STXBP5L: variants seen among roughly 807,000 people sequenced by gnomAD.
STXBP5L encodes the protein syntaxin binding protein 5L.
In STXBP5L, 65 loss-of-function variants were observed where a neutral mutation model predicts 144.5. The ratio of observed to expected loss-of-function variants is 0.45; its 90% CI spans 0.37 to 0.55. The LOEUF (loss-of-function observed/expected upper bound fraction) is 0.55. Ranked by LOEUF, STXBP5L falls within the 20% of genes least tolerant of loss-of-function variation. The probability of loss-of-function intolerance (pLI) is 0.00; values close to 1 mark genes in which losing one functional copy is unlikely to be tolerated. For missense variants in STXBP5L, 1,298 were observed against 1,405.5 expected, an observed-to-expected ratio of 0.92 and a Z score of 1.22; for synonymous variants, 505 against 469.6, an observed-to-expected ratio of 1.08 and a Z score of -0.97.
rs186080880 is a variant in STXBP5L at position 121,356,827 on chromosome 3, T to C, written c.2177-21889T>C. ...GTTCCTATTTGGCCATCTTGGAACCTGGACCAGCATATTTTTAAATGAAAA... is the reference window on the plus strand; with the variant it reads ...GTTCCTATTTGGCCATCTTGGAACCCGGACCAGCATATTTTTAAATGAAAA... On this transcript the variant is annotated intron_variant, in intron 20 of 26. Coordinates refer to ENST00000471454, the MANE Select transcript of STXBP5L (RefSeq NM_001308330.2). 4.9e-4 allele frequency among the ~76,000 whole-genome samples: 75 copies of C among 152,306 alleles called. 1 individual carries two copies. The highest frequency in any genetic ancestry group is 1.8e-3 in the African/African-American group (73 of 41,566).
At chr3:121,325,128 C>T (rs2044102188) in intron 20 of STXBP5L, among the ~76,000 whole-genome samples, 1 of 151,736 alleles carries the variant, frequency 6.6e-6, no homozygotes, top group Non-Finnish European at 1.5e-5. Flanking sequence ...CATGCTAGCT[C>T]ATAGTGTTAA....
chr3:121,164,612 C>T (rs2046437108), intron 9 of STXBP5L, among the ~76,000 whole-genome samples: 1 of 152,152 alleles, frequency 6.6e-6, no homozygotes, highest in South Asian at 2.1e-4. Context: ...ACAATATTCA[C>T]AATAGCCAAG....
intron 9 of STXBP5L, among the ~76,000 whole-genome samples, chr3:121,204,830 A>G (rs1365559603): frequency 6.6e-6 from 1 of 152,196 alleles, no homozygotes; most frequent in Non-Finnish European, 1.5e-5. Context: ...TAAGCATGTT[A>G]TGTGCAGAAG....
At chr3:120,976,152 C>T (rs527816696) in intron 3 of STXBP5L, among the ~76,000 whole-genome samples, 19 of 152,202 alleles carry the variant, frequency 1.2e-4, no homozygotes, top group African/African-American at 3.4e-4. Context: ...GGGTAGAATT[C>T]GGCTGTGAAT....
At chr3:121,103,092 C>T (rs1201981285) in intron 5 of STXBP5L, among the ~76,000 whole-genome samples, 1 of 152,132 alleles carries the variant, frequency 6.6e-6, no homozygotes, top group South Asian at 2.1e-4. Flanking sequence ...AATGTTTGTA[C>T]ACCTTTGGTG....
chr3:121,312,512 G>T, intron 19 of STXBP5L, among the ~76,000 whole-genome samples: 1 of 124,530 alleles, frequency 8.0e-6, no homozygotes, highest in Non-Finnish European at 1.6e-5. Flanking sequence ...CGCAGAGGGG[G>T]ATTTGGCAGG....
chr3:121,329,365 T>A (rs2044251431), intron 20 of STXBP5L, among the ~76,000 whole-genome samples: 1 of 152,154 alleles, frequency 6.6e-6, no homozygotes, highest in Non-Finnish European at 1.5e-5. Context: ...TGCTTTAAGA[T>A]CTGGCATGTG....
At chr3:121,415,810 T>C (rs769452439) in intron 24 of STXBP5L, 47 bp from the exon 25 acceptor site, 2 of 1,335,316 alleles carry the variant, frequency 1.5e-6, no homozygotes, top group African/African-American at 2.9e-5. Flanking sequence ...TGTATATTAA[T>C]TGATTTTTTA....
intron 20 of STXBP5L, among the ~76,000 whole-genome samples, chr3:121,338,602 AAAAAAAAG>A (rs1441542783): frequency 6.7e-6 from 1 of 149,528 alleles, no homozygotes; most frequent in South Asian, 2.1e-4. Flanking sequence ...CAAAAAAAAA[AAAAAAAAG>A]AGAGAAAGAG....
rs865815973 is a variant in STXBP5L, at chr3:121,177,353, A to T, written c.877+19726A>T. ...GAGTGGGGAAAAATATTTCTAAATT[A>T]TATATCTCATAAAGGGTGAATATCC... is the stretch of plus-strand genomic sequence containing the variant. On this transcript the variant is annotated intron_variant, in intron 9 of 26. Coordinates refer to ENST00000471454, the MANE Select transcript of STXBP5L (RefSeq NM_001308330.2). Among the ~76,000 whole-genome samples the T allele has an allele frequency of 2.0e-5, 3 of 152,146 alleles. No individual in the cohort carries two copies. The South Asian group carries it at 6.2e-4, about 31-fold the overall frequency.
chr3:121,066,895 G>T (rs1438878319), intron 5 of STXBP5L, among the ~76,000 whole-genome samples: 2 of 152,084 alleles, frequency 1.3e-5, no homozygotes, highest in Non-Finnish European at 2.9e-5. Context: ...CTTAATAGGT[G>T]TAGAAATGTT....
chr3:121,287,777 C>T (rs1315656928), intron 19 of STXBP5L, among the ~76,000 whole-genome samples: 2 of 151,606 alleles, frequency 1.3e-5, no homozygotes, highest in African/African-American at 4.9e-5. Context: ...TGCAGTGAGC[C>T]GAGATCGCGC....
At chr3:121,092,494 G>T (rs1418331729) in intron 5 of STXBP5L, among the ~76,000 whole-genome samples, 1 of 152,148 alleles carries the variant, frequency 6.6e-6, no homozygotes, top group South Asian at 2.1e-4. Context: ...CACGTCCCTT[G>T]TAAGTTGGAT....
At chr3:120,961,166 A>G (rs1208840885) in intron 3 of STXBP5L, among the ~76,000 whole-genome samples, 1 of 148,328 alleles carries the variant, frequency 6.7e-6, no homozygotes, top group Non-Finnish European at 1.5e-5. Flanking sequence ...ATGAAATATA[A>G]TATCTCCTTT....
chr3:121,387,329 C>A (rs1400099920), intron 22 of STXBP5L, among the ~76,000 whole-genome samples: 1 of 152,120 alleles, frequency 6.6e-6, no homozygotes, highest in African/African-American at 2.4e-5. Flanking sequence ...GGGTAGATTG[C>A]AAAAATTTTC....
chr3:121,261,358 T>G (rs1478520355), intron 18 of STXBP5L, among the ~76,000 whole-genome samples: 3 of 152,140 alleles, frequency 2.0e-5, no homozygotes, highest in Non-Finnish European at 4.4e-5. Context: ...AAGAAATAAA[T>G]TTTACAAGTA....
chr3:121,310,048 C>A (rs2043472295), intron 19 of STXBP5L, among the ~76,000 whole-genome samples: 1 of 152,184 alleles, frequency 6.6e-6, no homozygotes, highest in South Asian at 2.1e-4. Context: ...TTGTTTTTGA[C>A]AAAGGCACCA....
intron 3 of STXBP5L, among the ~76,000 whole-genome samples, chr3:121,017,106 A>C (rs1945196199): frequency 6.6e-6 from 1 of 152,230 alleles, no homozygotes; most frequent in South Asian, 2.1e-4. Context: ...AGTGGGATTT[A>C]TTCCAGTTAT....
chr3:121,353,877 ATTGTTCTTTGTTCT>A (rs1451135603), intron 20 of STXBP5L, among the ~76,000 whole-genome samples: 5 of 152,164 alleles, frequency 3.3e-5, no homozygotes, highest in African/African-American at 1.2e-4. Context: ...ATTCTGGTAC[ATTGTTCTTTGTTCT>A]CATTGGTTTC....
Sources: allele counts gnomAD v4.1 joint callset (sites outside exome capture counted in the v4.1 genomes callset), GRCh38; gene constraint gnomAD v4.1.1; transcripts MANE v1.5; gene names NCBI Gene and HGNC (gene_info 2026-07-23, HGNC 2026-07-21).